The following CTTNBP2 variants were observed in gnomAD, a reference collection of about 807,000 sequenced individuals.
The protein encoded by CTTNBP2 is cortactin binding protein 2, also known as cortactin-binding protein 2.
CTTNBP2 carries 108 observed loss-of-function variants against 156.9 expected under a neutral mutation model. That is an observed-to-expected ratio of 0.69 (90% confidence interval 0.59 to 0.81). CTTNBP2 has a LOEUF of 0.81. Ranked by LOEUF, CTTNBP2 falls within the 30% of genes least tolerant of loss-of-function variation. CTTNBP2 has a pLI of 0.00. For synonymous variants in CTTNBP2, 767 were observed against 751.8 expected (o/e 1.02, Z -0.33); for missense variants, 1,924 against 2,035.4 (o/e 0.95, Z 1.05).
At chr7:117,862,224 G>A (rs1015352995) in intron 1 of CTTNBP2, among the ~76,000 whole-genome samples, 4 of 151,490 alleles carry the variant, frequency 2.6e-5, no homozygotes, top group African/African-American at 9.7e-5. Context: ...TTCTTGGCAG[G>A]CCTGGGAGGG....
intron 2 of CTTNBP2, among the ~76,000 whole-genome samples, chr7:117,857,035 G>C (rs914397480): frequency 4.6e-5 from 7 of 152,148 alleles, no homozygotes; most frequent in African/African-American, 1.4e-4. Context: ...TAATTCAAAA[G>C]CTTCTGTGCC....
chr7:117,825,597 T>C (rs1428374540), intron 2 of CTTNBP2, among the ~76,000 whole-genome samples: 1 of 152,078 alleles, frequency 6.6e-6, no homozygotes, highest in Non-Finnish European at 1.5e-5. Context: ...AGTGCAACAG[T>C]AGAGGGATGG....
At chr7:117,815,629 T>C (rs1478663025) in intron 2 of CTTNBP2, among the ~76,000 whole-genome samples, 1 of 152,136 alleles carries the variant, frequency 6.6e-6, no homozygotes, top group African/African-American at 2.4e-5. Flanking sequence ...CTCCCACAAA[T>C]GTATGCAGGG....
In CTTNBP2 at chr7:117,777,727, A is replaced by G. The variant is rs753027249; in HGVS notation, c.2562T>C (p.Gly854=). Residue 854 remains glycine, a synonymous_variant, in exon 8 of 23, where the codon GGT becomes GGC. Coordinates refer to ENST00000160373, the MANE Select transcript of CTTNBP2 (RefSeq NM_033427.3). The part of the protein sequence containing the change: ...WTPVHAAVDT[G]NVDSLKLLMY... Reference sequence around the variant, plus strand: ...TAAGAAGCTTGAGGCTGTCCACATTACCAGTGTCCACAGCTGCGTGAACTG... The same window carrying G: ...TAAGAAGCTTGAGGCTGTCCACATTGCCAGTGTCCACAGCTGCGTGAACTG... 6.2e-7 allele frequency: 1 copy of G among 1,613,922 alleles called. No homozygotes were observed.
At chr7:117,805,507 A>C (rs1328226607) in intron 3 of CTTNBP2, among the ~76,000 whole-genome samples, 1 of 152,244 alleles carries the variant, frequency 6.6e-6, no homozygotes, top group Non-Finnish European at 1.5e-5. Flanking sequence ...CAATAATAAT[A>C]GCCTCTACAG....
intron 2 of CTTNBP2, among the ~76,000 whole-genome samples, chr7:117,813,658 T>C (rs2116984002): frequency 6.6e-6 from 1 of 152,270 alleles, no homozygotes; most frequent in South Asian, 2.1e-4. Context: ...CTCCTTCACG[T>C]CTGCAGAATG....
chr7:117,778,956 C>T (rs1219987005), intron 7 of CTTNBP2, among the ~76,000 whole-genome samples: 1 of 152,092 alleles, frequency 6.6e-6, no homozygotes, highest in East Asian at 1.9e-4. Context: ...GAGAAATAGG[C>T]AATAAATACG....
intron 2 of CTTNBP2, among the ~76,000 whole-genome samples, chr7:117,811,549 A>G (rs1213447026): frequency 2.6e-5 from 4 of 152,174 alleles, no homozygotes; most frequent in Non-Finnish European, 5.9e-5. Flanking sequence ...GTAATCCCCC[A>G]GCCTTGGCCT....
chr7:117,855,065 A>G (rs996645404), intron 2 of CTTNBP2, among the ~76,000 whole-genome samples: 1 of 151,600 alleles, frequency 6.6e-6, no homozygotes, highest in Non-Finnish European at 1.5e-5. Flanking sequence ...GATTGCAGGC[A>G]TGAGCCACCA....
At position 117,713,407 on chromosome 7, in the gene CTTNBP2, T is replaced by C. The variant is rs559499673; in HGVS notation, c.4747-1625A>G. ...CAAATTCTTTCTAAAACTGTATTTA[T>C]TGCATTTCTTCAATACTAATTTCTA... On this transcript the variant is annotated intron_variant, in intron 22 of 22. Coordinates refer to ENST00000160373, the MANE Select transcript of CTTNBP2 (RefSeq NM_033427.3). Among the ~76,000 whole-genome samples the C allele has an allele frequency of 2.5e-4, 38 of 152,350 alleles. No individual in the cohort carries two copies. The South Asian group carries it at 6.2e-3, about 25-fold the overall frequency.
intron 15 of CTTNBP2, 52 bp downstream of exon 15, chr7:117,735,217 T>A: frequency 1.3e-6 from 2 of 1,596,924 alleles, no homozygotes; most frequent in Non-Finnish European, 8.5e-7. Context: ...AACAGAAAGA[T>A]TAGAATATTA....
intron 3 of CTTNBP2, among the ~76,000 whole-genome samples, chr7:117,801,464 A>G (rs1178769340): frequency 2.0e-5 from 3 of 152,224 alleles, no homozygotes; most frequent in African/African-American, 4.8e-5. Flanking sequence ...GAGACTAAAG[A>G]AAATAACAAT....
At position 117,847,819 on chromosome 7, in the gene CTTNBP2, C is replaced by CTTTTTTTTTTTTT. The variant is rs201419286; in HGVS notation, c.189+13377_189+13389dup. Among the ~76,000 whole-genome samples the CTTTTTTTTTTTTT allele has an allele frequency of 2.1e-4, 19 of 91,358 alleles. 4 individuals carry two copies. The highest frequency in any genetic ancestry group is 8.6e-4 in the African/African-American group (18 of 21,008). The allele number at this position is 91,358 out of a possible 152,430, so 59.9% of individuals were successfully genotyped here. On this transcript the variant is annotated intron_variant, in intron 2 of 22. Coordinates refer to ENST00000160373, the MANE Select transcript of CTTNBP2 (RefSeq NM_033427.3). Reference sequence around the variant, plus strand: ...TTTTTATAGATCTTCTTTGCCTAACCTTTTTTTTTTTTTTTTTTTTTTTTT... The same window carrying CTTTTTTTTTTTTT: ...TTTTTATAGATCTTCTTTGCCTAACCTTTTTTTTTTTTTTTTTTTTTTTTTTTTTTTTTTTTTT...
intron 2 of CTTNBP2, among the ~76,000 whole-genome samples, chr7:117,815,099 C>T (rs1410114247): frequency 6.6e-6 from 1 of 152,150 alleles, no homozygotes; most frequent in Non-Finnish European, 1.5e-5. Context: ...ACCACATATG[C>T]ATTTATTTGT....
rs1235976366 is a variant in CTTNBP2, at chr7:117,711,717, C to G, written c.4812G>C (p.Leu1604Phe). ...GAAAAGATTTAACTCTTGAAACACCCAACTCAGTCTTTGATTTACTGTTGC... is the reference window on the plus strand; with the variant it reads ...GAAAAGATTTAACTCTTGAAACACCGAACTCAGTCTTTGATTTACTGTTGC... ...ECSNSKSKTE[L>F]GVSRVKSFLP... Residue 1604 changes from leucine (L) to phenylalanine (F), a missense_variant, in exon 23 of 23, where the codon TTG becomes TTC. Leu to Phe is a conservative substitution (Grantham distance 22). Coordinates refer to ENST00000160373, the MANE Select transcript of CTTNBP2 (RefSeq NM_033427.3). 6.2e-7 allele frequency: 1 copy of G among 1,613,908 alleles called. No individual in the cohort carries two copies. The highest frequency in any genetic ancestry group is 8.5e-7 in the Non-Finnish European group (1 of 1,179,912).
intron 14 of CTTNBP2, among the ~76,000 whole-genome samples, chr7:117,744,171 C>T (rs527656523): frequency 6.6e-6 from 1 of 152,222 alleles, no homozygotes; most frequent in African/African-American, 2.4e-5. Flanking sequence ...ACAAACAATC[C>T]AATTACCTCC....
At chr7:117,718,194 G>T in intron 21 of CTTNBP2, 75 bp from the exon 22 acceptor site, 1 of 868,224 alleles carries the variant, frequency 1.2e-6, no homozygotes, top group South Asian at 1.4e-5. Context: ...CTAAATGGTG[G>T]AGAAATCACA....
intron 6 of CTTNBP2, among the ~76,000 whole-genome samples, chr7:117,782,469 T>C (rs922356649): frequency 2.6e-5 from 4 of 152,174 alleles, no homozygotes; most frequent in Admixed American, 6.5e-5. Flanking sequence ...TTACAACCAA[T>C]ATAATTCTAT....
chr7:117,843,084 G>A (rs577827536), intron 2 of CTTNBP2, among the ~76,000 whole-genome samples: 45 of 152,290 alleles, frequency 3.0e-4, no homozygotes, highest in Non-Finnish European at 4.7e-4. Flanking sequence ...TACTAAACAC[G>A]TACAAACTTC....
Sources: allele counts gnomAD v4.1 joint callset (sites outside exome capture counted in the v4.1 genomes callset), GRCh38; gene constraint gnomAD v4.1.1; transcripts MANE v1.5; gene names NCBI Gene and HGNC (gene_info 2026-07-23, HGNC 2026-07-21).